The following SRGAP3 variants were observed in gnomAD, a reference collection of about 807,000 sequenced individuals.
SRGAP3 encodes SLIT-ROBO Rho GTPase-activating protein 3.
In SRGAP3, 39 loss-of-function variants were observed where a neutral mutation model predicts 121.1. The observed-to-expected ratio is 0.32, with a 90% CI of 0.25 to 0.42. The LOEUF is 0.42. Ranked by LOEUF, SRGAP3 falls within the 10% of genes least tolerant of loss-of-function variation. The probability of loss-of-function intolerance (pLI) is 1.00; values close to 1 mark genes in which losing one functional copy is unlikely to be tolerated. For synonymous variants in SRGAP3, 601 were observed against 570.0 expected (o/e 1.05, Z -0.77); for missense variants, 1,213 against 1,470.6 (o/e 0.82, Z 2.86).
intron 1 of SRGAP3, chr3:9,193,547 G>C (rs1209387584): frequency 6.6e-6 from 1 of 152,332 alleles, no homozygotes. Context: ...CAAACACCAA[G>C]TGCTGGCGGG....
At chr3:9,154,725 T>C (rs942048938) in intron 1 of SRGAP3, among the ~76,000 whole-genome samples, 5 of 152,186 alleles carry the variant, frequency 3.3e-5, no homozygotes, top group African/African-American at 1.2e-4. Flanking sequence ...AATTTTTTGT[T>C]GCAAGCTCTC....
At chr3:9,088,510 T>C (rs1947595633) in intron 3 of SRGAP3, among the ~76,000 whole-genome samples, 1 of 152,116 alleles carries the variant, frequency 6.6e-6, no homozygotes, top group African/African-American at 2.4e-5. Context: ...GTATAGGATG[T>C]TTAGGAGCAT....
At chr3:9,108,830 T>A (rs1948515740) in intron 2 of SRGAP3, among the ~76,000 whole-genome samples, 1 of 151,966 alleles carries the variant, frequency 6.6e-6, no homozygotes, top group South Asian at 2.1e-4. Flanking sequence ...AAAAGAGAAA[T>A]AGTGAGGCCT....
chr3:9,340,122 G>A (rs576289329), intron 1 of SRGAP3, among the ~76,000 whole-genome samples: 4 of 152,288 alleles, frequency 2.6e-5, no homozygotes, highest in Admixed American at 1.3e-4. Flanking sequence ...CCACAGGGAC[G>A]ATCACAAATA....
chr3:9,253,702 C>T (rs1277233421), upstream of SRGAP3, among the ~76,000 whole-genome samples: 1 of 152,192 alleles, frequency 6.6e-6, no homozygotes, highest in Non-Finnish European at 1.5e-5. Context: ...ACAAGCAGAA[C>T]TCAGCTAGTT....
At position 9,038,104 on chromosome 3, in the gene SRGAP3, T is replaced by A; in HGVS notation, c.1409-14A>T. The A allele has an allele frequency of 6.2e-7, 1 of 1,614,196 alleles. No homozygotes were observed. The highest frequency in any genetic ancestry group is 8.5e-7 in the Non-Finnish European group (1 of 1,180,022). On this transcript the variant is annotated splice_polypyrimidine_tract_variant and intron_variant, in intron 10 of 21. Coordinates refer to ENST00000383836, the MANE Select transcript of SRGAP3 (RefSeq NM_014850.4). ...CTGCTCTTTCCCCTGCAAAGAAAAG[T>A]ATACATGAATGTTTAATTGCCTTTT...
intron 1 of SRGAP3, among the ~76,000 whole-genome samples, chr3:9,351,158 C>T (rs1326242911): frequency 2.6e-5 from 4 of 152,110 alleles, no homozygotes; most frequent in African/African-American, 9.7e-5. Flanking sequence ...GACACATCTG[C>T]CACATTCTAG....
At chr3:9,138,461 G>C (rs1252187089) in intron 1 of SRGAP3, among the ~76,000 whole-genome samples, 1 of 152,178 alleles carries the variant, frequency 6.6e-6, no homozygotes, top group African/African-American at 2.4e-5. Context: ...TAGCACCTAA[G>C]AGCAACTTTC....
intron 9 of SRGAP3, 148 bp downstream of exon 9, chr3:9,052,879 C>A (rs1174709207): frequency 2.1e-6 from 2 of 948,138 alleles, no homozygotes; most frequent in Non-Finnish European, 3.2e-6. Context: ...CCAAGCCAGG[C>A]AACTTAATTT....
chr3:9,259,214 T>A (rs76311574), intron 3 of SRGAP3, among the ~76,000 whole-genome samples: 1,032 of 24,234 alleles, frequency 0.043, 8 homozygotes, highest in Non-Finnish European at 0.055. Context: ...TCCCTGTTTC[T>A]TTTTTTTCAT....
At position 8,985,240 on chromosome 3, in the gene SRGAP3, T is replaced by A; in HGVS notation, c.*279A>T. 1 of 527,478 alleles carries A rather than the reference T, an allele frequency of 1.9e-6. No individual in the cohort carries two copies. The highest frequency in any genetic ancestry group is 3.3e-6 in the Non-Finnish European group (1 of 301,344). 32.7% of individuals were successfully genotyped at this position (527,478 alleles called of 1,614,324 possible). ...GTGACGATATGCGGGAGAAGCCATG[T>A]GGTATTTTGCCTCCATGTTAGGGAA... On this transcript the variant is annotated 3_prime_UTR_variant, in exon 22 of 22. Coordinates refer to ENST00000383836, the MANE Select transcript of SRGAP3 (RefSeq NM_014850.4). This position sits in a 1 kb window ranked among gnomAD's most constrained non-coding sequence, Gnocchi z 5.1.
chr3:9,326,131 C>G (rs1390874306), exon 3 of SRGAP3: 1 of 151,914 alleles, frequency 6.6e-6, no homozygotes, highest in African/African-American at 2.4e-5. Flanking sequence ...TAAGGACAGT[C>G]TTTCTCTGAT....
At chr3:9,102,715 A>C (rs1231417799) in intron 3 of SRGAP3, among the ~76,000 whole-genome samples, 1 of 152,258 alleles carries the variant, frequency 6.6e-6, no homozygotes, top group Non-Finnish European at 1.5e-5. Context: ...CAAGGCAGCC[A>C]GGAGCTCAGC....
chr3:9,038,562 C>T (rs953122996), intron 10 of SRGAP3, among the ~76,000 whole-genome samples: 2 of 152,268 alleles, frequency 1.3e-5, no homozygotes, highest in Non-Finnish European at 2.9e-5. Context: ...CTGTTGTATG[C>T]CTGGCACTGA....
intron 1 of SRGAP3, among the ~76,000 whole-genome samples, chr3:9,175,251 A>C (rs765423085): frequency 6.6e-6 from 1 of 152,198 alleles, no homozygotes; most frequent in Admixed American, 6.5e-5. Flanking sequence ...GCTGGTTTCT[A>C]TCTCTAACAG....
intron 21 of SRGAP3, among the ~76,000 whole-genome samples, chr3:8,988,591 A>G (rs1378545737): frequency 6.6e-6 from 1 of 151,768 alleles, no homozygotes; most frequent in Non-Finnish European, 1.5e-5. Flanking sequence ...AAAACGCTCC[A>G]TGAATAAAGG....
chr3:9,363,026 T>A (rs1330560570), exon 1 of SRGAP3: 2 of 152,322 alleles, frequency 1.3e-5, no homozygotes, highest in Non-Finnish European at 2.9e-5. Context: ...CCACCGTGAC[T>A]CGTAGCCTGA....
At chr3:9,101,753 G>A (rs963312645) in intron 3 of SRGAP3, among the ~76,000 whole-genome samples, 1 of 152,154 alleles carries the variant, frequency 6.6e-6, no homozygotes, top group Non-Finnish European at 1.5e-5. Context: ...TTAAAGAGGG[G>A]CAAGCTGCAT....
chr3:9,164,928 C>G (rs1042713918), intron 1 of SRGAP3, among the ~76,000 whole-genome samples: 1 of 152,244 alleles, frequency 6.6e-6, no homozygotes, highest in Non-Finnish European at 1.5e-5. Flanking sequence ...CCTGTGGCTA[C>G]CAACCCAGTG....
Sources: gnomAD v4.1 joint callset for allele counts (sites outside exome capture counted in the v4.1 genomes callset) on GRCh38, gnomAD v4.1.1 for gene constraint, Gnocchi (gnomAD v3.1) non-coding constraint, MANE v1.5 for transcripts, NCBI Gene and HGNC (gene_info 2026-07-23, HGNC 2026-07-21) for gene names.